PTPN3: variants seen among roughly 807,000 people sequenced by gnomAD.
PTPN3 encodes protein tyrosine phosphatase non-receptor type 3.
Under a neutral mutation model 132.7 loss-of-function variants are expected in PTPN3, and 96 were observed. The observed-to-expected ratio is 0.72, with a 90% CI of 0.61 to 0.86. PTPN3 has a LOEUF of 0.86. PTPN3 is among the 40% of genes least tolerant of loss of function. The probability of loss-of-function intolerance (pLI) is 0.00; values close to 1 mark genes in which losing one functional copy is unlikely to be tolerated. For synonymous variants in PTPN3, 398 were observed against 429.0 expected (o/e 0.93, Z 0.89); for missense variants, 1,125 against 1,159.6 (o/e 0.97, Z 0.43).
At chr9:109,408,644 A>C (rs1841771185) in intron 16 of PTPN3, among the ~76,000 whole-genome samples, 1 of 151,936 alleles carries the variant, frequency 6.6e-6, no homozygotes, top group Admixed American at 6.6e-5. Flanking sequence ...ACAGTCCATG[A>C]ACTAACAGAT....
upstream of PTPN3, among the ~76,000 whole-genome samples, chr9:109,501,745 G>A (rs1024564999): frequency 6.6e-6 from 1 of 152,176 alleles, no homozygotes; most frequent in African/African-American, 2.4e-5. Flanking sequence ...GTCCCAGATC[G>A]ACTGGTCCAG....
At chr9:109,504,443 G>A in the PTPN3 span, among the ~76,000 whole-genome samples, 2 of 152,282 alleles carry the variant, frequency 1.3e-5, no homozygotes, top group East Asian at 3.9e-4. Context: ...CAGTTTGGTG[G>A]TAAACACAGA....
At chr9:109,517,301 A>T in the PTPN3 span, among the ~76,000 whole-genome samples, 2 of 152,150 alleles carry the variant, frequency 1.3e-5, no homozygotes, top group African/African-American at 4.8e-5. Flanking sequence ...GTTACATTGG[A>T]TGAATGTGTT....
chr9:109,419,753 G>T (rs2131832399), intron 14 of PTPN3, among the ~76,000 whole-genome samples: 1 of 152,156 alleles, frequency 6.6e-6, no homozygotes, highest in South Asian at 2.1e-4. Flanking sequence ...GGCAAAAAGG[G>T]AAACAAATGG....
intron 1 of PTPN3, among the ~76,000 whole-genome samples, chr9:109,479,185 T>G (rs926360869): frequency 4.6e-5 from 7 of 152,098 alleles, no homozygotes; most frequent in Non-Finnish European, 8.8e-5. Context: ...AGGCAATAAC[T>G]CCCCATTCAC....
the PTPN3 span, among the ~76,000 whole-genome samples, chr9:109,519,891 G>A: frequency 1.3e-5 from 2 of 152,200 alleles, no homozygotes; most frequent in African/African-American, 4.8e-5. Flanking sequence ...GGGCACGCTG[G>A]CTCACGCCTG....
intron 5 of PTPN3, 27 bp downstream of exon 5, chr9:109,454,469 C>T: frequency 6.3e-7 from 1 of 1,581,392 alleles, no homozygotes; most frequent in Non-Finnish European, 8.7e-7. Flanking sequence ...ATACACTAAA[C>T]AGAAAACTTT....
chr9:109,377,928 A>G lies in PTPN3; in HGVS notation c.*1628T>C, dbSNP rs1209536771. Reference sequence around the variant, plus strand: ...ACTTTCTGGTGGTTTCTTGTTTTCAATATGGGGTTATGGTACTGTGTGACA... The same window carrying G: ...ACTTTCTGGTGGTTTCTTGTTTTCAGTATGGGGTTATGGTACTGTGTGACA... On this transcript the variant is annotated 3_prime_UTR_variant, in exon 26 of 26. Coordinates refer to ENST00000374541, the MANE Select transcript of PTPN3 (RefSeq NM_002829.4). 3 of 152,166 alleles carry G rather than the reference A, an allele frequency of 2.0e-5. No individual in the cohort carries two copies. The highest frequency in any genetic ancestry group is 4.4e-5 in the Non-Finnish European group (3 of 68,028). The allele number at this position is 152,166 out of a possible 1,614,324, so 9.4% of individuals were successfully genotyped here. A position where few individuals can be genotyped will look rare whatever the true frequency, so the allele number is the denominator to read the frequency against.
chr9:109,481,428 G>A (rs780309880), intron 1 of PTPN3, among the ~76,000 whole-genome samples: 2 of 152,194 alleles, frequency 1.3e-5, no homozygotes, highest in African/African-American at 2.4e-5. Context: ...CTCCACCAGG[G>A]TCTCATGCTT....
intron 1 of PTPN3, among the ~76,000 whole-genome samples, chr9:109,479,080 A>G (rs1846835552): frequency 6.6e-6 from 1 of 151,908 alleles, no homozygotes; most frequent in Admixed American, 6.6e-5. Context: ...TAAGTGTACA[A>G]TTCAGTGGCT....
intron 16 of PTPN3, among the ~76,000 whole-genome samples, chr9:109,409,442 A>G (rs1841891913): frequency 1.3e-5 from 2 of 152,194 alleles, no homozygotes; most frequent in South Asian, 4.1e-4. Flanking sequence ...TCAGAACTTA[A>G]GAAGGTGCTA....
intron 1 of PTPN3, among the ~76,000 whole-genome samples, chr9:109,478,804 C>T (rs1470480914): frequency 1.3e-5 from 2 of 152,220 alleles, no homozygotes; most frequent in Non-Finnish European, 2.9e-5. Flanking sequence ...AGAGCCCACA[C>T]TCACCATCTT....
At chr9:109,532,959 T>G in the PTPN3 span, 4 of 371,394 alleles carry the variant, frequency 1.1e-5, no homozygotes, top group Non-Finnish European at 1.5e-5. Flanking sequence ...TTTTTTTTTT[T>G]TTTTTTTTTT....
rs184169799 is a variant in PTPN3, at chr9:109,463,068, C to T, written c.138+229G>A. Among the ~76,000 whole-genome samples the T allele has an allele frequency of 8.9e-4, 135 of 151,202 alleles. 1 individual carries two copies. The highest frequency in any genetic ancestry group is 3.0e-3 in the African/African-American group (122 of 41,336). ...CTTCCCAGAAGCACCAACATCTGAG[C>T]GTCAAACAGTTCACACCACACAGAA... On this transcript the variant is annotated intron_variant, in intron 2 of 25. Coordinates refer to ENST00000374541, the MANE Select transcript of PTPN3 (RefSeq NM_002829.4).
At chr9:109,401,158 G>A (rs1259035598) in intron 19 of PTPN3, among the ~76,000 whole-genome samples, 1 of 152,198 alleles carries the variant, frequency 6.6e-6, no homozygotes, top group Non-Finnish European at 1.5e-5. Flanking sequence ...ATGCTAAAAC[G>A]CAACCCTAAA....
In PTPN3 at chr9:109,420,413, G is replaced by T. The variant is rs539176563; in HGVS notation, c.1313+11C>A. ...CAAATACCCAGAAATAAAACAACAC[G>T]AGTTTCTTACTCTTGGTGCGGGCTT... On this transcript the variant is annotated intron_variant, in intron 14 of 25. Coordinates refer to ENST00000374541, the MANE Select transcript of PTPN3 (RefSeq NM_002829.4). 7 of 1,580,030 alleles carry T rather than the reference G, an allele frequency of 4.4e-6. No individual in the cohort carries two copies. Among genetic ancestry groups the T allele is most frequent in the Non-Finnish European group, 5.2e-6 (6 of 1,157,222 alleles).
At chr9:109,458,324 G>C (rs1230083737) in intron 2 of PTPN3, among the ~76,000 whole-genome samples, 2 of 152,224 alleles carry the variant, frequency 1.3e-5, no homozygotes, top group African/African-American at 4.8e-5. Context: ...CTTTGGATCA[G>C]ATGGCCCGGC....
At chr9:109,535,043 G>T in the PTPN3 span, among the ~76,000 whole-genome samples, 5 of 152,142 alleles carry the variant, frequency 3.3e-5, no homozygotes, top group Non-Finnish European at 7.3e-5. Flanking sequence ...AGATGAAGTG[G>T]GTTAATTTTA....
the PTPN3 span, among the ~76,000 whole-genome samples, chr9:109,528,801 T>TTG: frequency 8.0e-3 from 1,211 of 151,932 alleles, 27 homozygotes; most frequent in African/African-American, 0.028. Context: ...TCCTTCTTCC[T>TTG]TGTGTGTGTG....
Sources: allele counts gnomAD v4.1 joint callset (sites outside exome capture counted in the v4.1 genomes callset), GRCh38; gene constraint gnomAD v4.1.1; transcripts MANE v1.5; gene names NCBI Gene and HGNC (gene_info 2026-07-23, HGNC 2026-07-21).